Variants in BICD1 observed in about 807,000 individuals in gnomAD.
The protein encoded by BICD1 is BICD cargo adaptor 1.
A neutral mutation model predicts 92.5 loss-of-function variants in BICD1; 35 were observed. That is an observed-to-expected ratio of 0.38 (90% CI 0.29 to 0.50). The LOEUF is 0.50. Ranked by LOEUF, BICD1 falls within the 20% of genes least tolerant of loss-of-function variation. The probability of loss-of-function intolerance (pLI) is 0.93; values close to 1 mark genes in which losing one functional copy is unlikely to be tolerated. For synonymous variants in BICD1, 429 were observed against 465.1 expected (o/e 0.92, Z 1.00); for missense variants, 950 against 1,189.8 (o/e 0.80, Z 2.97).
chr12:32,311,228 T>C (rs1163957166), intron 4 of BICD1, among the ~76,000 whole-genome samples: 2 of 152,212 alleles, frequency 1.3e-5, no homozygotes, highest in Non-Finnish European at 2.9e-5. Flanking sequence ...CCGGGTGCGG[T>C]GGCTCACGCC....
rs999370711 is a variant in BICD1 at position 32,294,066 on chromosome 12, C to T, written c.499C>T (p.Arg167Trp). The change falls in exon 3 of 10, where the codon CGG becomes TGG. Residue 167 changes from arginine to tryptophan, a missense_variant. Arg to Trp is a moderately radical substitution (Grantham distance 101). This residue lies in a region of BICD1 where 202 missense variants were observed against 205.3 expected (regional missense o/e 0.98). Transcript: ENST00000652176. ...EIREYKFREA[R>W]LLQDYTELEE... Reference sequence around the variant, plus strand: ...CCGAGAATATAAGTTCCGGGAGGCACGGCTCCTTCAGGACTATACTGAATT... The same window carrying T: ...CCGAGAATATAAGTTCCGGGAGGCATGGCTCCTTCAGGACTATACTGAATT... 8 of 1,612,620 alleles carry T rather than the reference C, an allele frequency of 5.0e-6. No individual in the cohort carries two copies. Among genetic ancestry groups the T allele is most frequent in the African/African-American group, 1.3e-5 (1 of 74,842 alleles).
At chr12:32,320,331 C>A (rs528921377) in intron 4 of BICD1, among the ~76,000 whole-genome samples, 2 of 152,098 alleles carry the variant, frequency 1.3e-5, no homozygotes, top group Admixed American at 6.5e-5. Flanking sequence ...CATAGAGAGA[C>A]CCCATCTCTA....
intron 3 of BICD1, among the ~76,000 whole-genome samples, chr12:32,303,106 C>G (rs1387395019): frequency 6.6e-6 from 1 of 151,526 alleles, no homozygotes. Flanking sequence ...GGCTAATTTT[C>G]TTATTTTTTG....
intron 1 of BICD1, among the ~76,000 whole-genome samples, chr12:32,184,220 G>A (rs966737621): frequency 2.0e-5 from 3 of 152,180 alleles, no homozygotes; most frequent in Non-Finnish European, 4.4e-5. Flanking sequence ...TGCCAACACT[G>A]ATGTTTTTTG....
chr12:32,369,608 T>C (rs1939654090), intron 9 of BICD1, among the ~76,000 whole-genome samples: 1 of 152,240 alleles, frequency 6.6e-6, no homozygotes, highest in Admixed American at 6.5e-5. Context: ...AGGTACATTA[T>C]TGGCCAGGTG....
chr12:32,224,136 T>C (rs754071708), intron 2 of BICD1, among the ~76,000 whole-genome samples: 5 of 152,218 alleles, frequency 3.3e-5, no homozygotes, highest in Non-Finnish European at 7.3e-5. Context: ...TGGTTACACA[T>C]AGCTGAGTGA....
At chr12:32,276,773 A>AT (rs1354165571) in intron 2 of BICD1, among the ~76,000 whole-genome samples, 10 of 152,182 alleles carry the variant, frequency 6.6e-5, no homozygotes, top group Admixed American at 5.9e-4. Flanking sequence ...ATTTTAAGTG[A>AT]TTTTTTAAAA....
chr12:32,355,006 C>T (rs1227810726), intron 8 of BICD1, among the ~76,000 whole-genome samples: 1 of 152,126 alleles, frequency 6.6e-6, no homozygotes, highest in Non-Finnish European at 1.5e-5. Flanking sequence ...TTTCCATTAA[C>T]CTTTCTGTTA....
intron 2 of BICD1, among the ~76,000 whole-genome samples, chr12:32,291,846 A>G (rs897777511): frequency 3.3e-5 from 5 of 152,134 alleles, no homozygotes; most frequent in Non-Finnish European, 7.3e-5. Flanking sequence ...TTTAAAAAAA[A>G]AAAATCTGTG....
At chr12:32,146,886 C>T (rs1035967736) in intron 1 of BICD1, among the ~76,000 whole-genome samples, 36 of 138,474 alleles carry the variant, frequency 2.6e-4, no homozygotes, top group African/African-American at 9.2e-4. Context: ...TCTTCCTCCT[C>T]CTCCTCTTCT....
At chr12:32,124,684 AAGT>A (rs1428745303) in intron 1 of BICD1, among the ~76,000 whole-genome samples, 1 of 152,150 alleles carries the variant, frequency 6.6e-6, no homozygotes, top group Admixed American at 6.6e-5. Flanking sequence ...TTTGAAGAAT[AAGT>A]AGGGATTTTC....
At chr12:32,315,480 C>G (rs1237702977) in intron 4 of BICD1, among the ~76,000 whole-genome samples, 1 of 152,028 alleles carries the variant, frequency 6.6e-6, no homozygotes, top group African/African-American at 2.4e-5. Flanking sequence ...AATTTTATGA[C>G]CATCTTGTCA....
chr12:32,269,423 A>G (rs1947079983), intron 2 of BICD1, among the ~76,000 whole-genome samples: 1 of 152,226 alleles, frequency 6.6e-6, no homozygotes, highest in South Asian at 2.1e-4. Context: ...AGGCCTAAGT[A>G]CTGTATAGGA....
intron 1 of BICD1, among the ~76,000 whole-genome samples, chr12:32,159,578 T>C (rs1435585273): frequency 6.6e-6 from 1 of 152,122 alleles, no homozygotes; most frequent in East Asian, 1.9e-4. Flanking sequence ...AACCACTTGG[T>C]CCCAAAGGAA....
At chr12:32,123,068 T>C (rs1942209973) in intron 1 of BICD1, among the ~76,000 whole-genome samples, 1 of 139,292 alleles carries the variant, frequency 7.2e-6, no homozygotes. Context: ...ATAAACAAAA[T>C]GAATGAGTTA....
In BICD1 at chr12:32,185,318, T is replaced by G. The variant is rs964460456; in HGVS notation, c.214-30929T>G. Among the ~76,000 whole-genome samples, 8 of 152,396 alleles carry G rather than the reference T, an allele frequency of 5.2e-5. 1 individual carries two copies. The highest frequency in any genetic ancestry group is 5.2e-4 in the Admixed American group (8 of 15,312). On this transcript the variant is annotated intron_variant, in intron 1 of 9. Coordinates refer to ENST00000652176, the MANE Select transcript of BICD1 (RefSeq NM_001714.4). ...AAGAGCCACATCCACTGCTATGGTTTTGAAATTATTACATTATACATTATT... is the reference window on the plus strand; with the variant it reads ...AAGAGCCACATCCACTGCTATGGTTGTGAAATTATTACATTATACATTATT...
At chr12:32,354,848 T>C (rs942420076) in intron 8 of BICD1, among the ~76,000 whole-genome samples, 1 of 152,220 alleles carries the variant, frequency 6.6e-6, no homozygotes, top group African/African-American at 2.4e-5. Context: ...GCTCTTCTTT[T>C]ATATATAATA....
intron 8 of BICD1, among the ~76,000 whole-genome samples, chr12:32,351,968 A>T (rs1938904249): frequency 6.6e-6 from 1 of 151,500 alleles, no homozygotes; most frequent in Admixed American, 6.6e-5. Context: ...GCACTTTGGG[A>T]GGCCAAGGCG....
chr12:32,340,758 A>G (rs932258591), intron 8 of BICD1: 7 of 168,974 alleles, frequency 4.1e-5, no homozygotes, highest in Non-Finnish European at 7.2e-5. Context: ...AAGTTATTGT[A>G]TCATAGATTT....
Sources: gnomAD v4.1 joint callset for allele counts (sites outside exome capture counted in the v4.1 genomes callset) on GRCh38, gnomAD v4.1.1 for gene constraint, gnomAD v4.1.1 regional missense constraint, MANE v1.5 for transcripts, NCBI Gene and HGNC (gene_info 2026-07-23, HGNC 2026-07-21) for gene names.